The following HECW1 variants were observed in gnomAD, a reference collection of about 807,000 sequenced individuals.
HECW1 encodes HECT, C2 and WW domain containing E3 ubiquitin protein ligase 1.
A neutral mutation model predicts 182.3 loss-of-function variants in HECW1; 61 were observed. That is an observed-to-expected ratio of 0.33 (90% confidence interval 0.27 to 0.41). The LOEUF is 0.41. HECW1 is among the 10% of genes least tolerant of loss of function. The pLI is 1.00. For synonymous variants in HECW1, 859 were observed against 832.6 expected (o/e 1.03, Z -0.55); for missense variants, 1,739 against 2,108.9 (o/e 0.82, Z 3.44).
At chr7:43,328,107 C>T (rs2152787734) in intron 5 of HECW1, among the ~76,000 whole-genome samples, 1 of 151,764 alleles carries the variant, frequency 6.6e-6, no homozygotes, top group East Asian at 1.9e-4. Flanking sequence ...CACTAGAGCC[C>T]AGGAGCTCAA....
At chr7:43,473,962 A>G (rs915416006) in intron 16 of HECW1, among the ~76,000 whole-genome samples, 3 of 152,232 alleles carry the variant, frequency 2.0e-5, no homozygotes, top group African/African-American at 7.2e-5. Flanking sequence ...AGGTGGAAAC[A>G]TGATAAACTT....
chr7:43,514,159 AT>A (rs2080017050), intron 24 of HECW1, among the ~76,000 whole-genome samples: 1 of 152,184 alleles, frequency 6.6e-6, no homozygotes, highest in Admixed American at 6.5e-5. Context: ...GGAATGGAAA[AT>A]TACCACAAGA....
intron 24 of HECW1, among the ~76,000 whole-genome samples, chr7:43,529,603 C>T (rs768171557): frequency 1.3e-5 from 2 of 152,166 alleles, no homozygotes; most frequent in Non-Finnish European, 2.9e-5. Flanking sequence ...TCAGACCCTA[C>T]TGAAATGGAA....
At chr7:43,154,610 G>A (rs1272748420) in intron 2 of HECW1, among the ~76,000 whole-genome samples, 1 of 152,134 alleles carries the variant, frequency 6.6e-6, no homozygotes, top group Non-Finnish European at 1.5e-5. Flanking sequence ...TGTATATTAG[G>A]AAACATTAGT....
At chr7:43,250,111 T>C (rs1419419937) in intron 3 of HECW1, among the ~76,000 whole-genome samples, 1 of 149,778 alleles carries the variant, frequency 6.7e-6, no homozygotes, top group African/African-American at 2.5e-5. Flanking sequence ...AGATTTTTTT[T>C]AACCAAAACA....
intron 3 of HECW1, among the ~76,000 whole-genome samples, chr7:43,294,825 C>G (rs993193446): frequency 1.3e-5 from 2 of 152,148 alleles, no homozygotes; most frequent in South Asian, 4.1e-4. Flanking sequence ...TAAGGATGCA[C>G]CTGTGACGCA....
At chr7:43,548,377 AC>A in intron 26 of HECW1, among the ~76,000 whole-genome samples, 1 of 152,150 alleles carries the variant, frequency 6.6e-6, no homozygotes, top group Non-Finnish European at 1.5e-5. Flanking sequence ...GTACGAGTGG[AC>A]CCATGCAGTC....
At chr7:43,540,666 TC>T (rs1028822594) in intron 24 of HECW1, among the ~76,000 whole-genome samples, 1 of 152,142 alleles carries the variant, frequency 6.6e-6, no homozygotes, top group African/African-American at 2.4e-5. Flanking sequence ...ATGTAACTCT[TC>T]CCCACTATCT....
intron 24 of HECW1, among the ~76,000 whole-genome samples, chr7:43,533,224 A>G (rs973547987): frequency 2.0e-5 from 3 of 152,084 alleles, no homozygotes; most frequent in Non-Finnish European, 4.4e-5. Flanking sequence ...CTGAGGAACC[A>G]ACTCTATTCT....
chr7:43,301,767 C>T (rs944673483), intron 3 of HECW1, among the ~76,000 whole-genome samples: 2 of 151,548 alleles, frequency 1.3e-5, no homozygotes, highest in East Asian at 1.9e-4. Context: ...CCCAGCTACT[C>T]GGGAGGCTGA....
At position 43,414,624 on chromosome 7, in the gene HECW1, T is replaced by C. The variant is rs1312908627; in HGVS notation, c.801+6893T>C. On this transcript the variant is annotated intron_variant, in intron 8 of 29. Transcript: ENST00000395891. ...AGACAGCTCTTATTATTTTGAAATA[T>C]GTCCCATCAATACCTAATTTATTGA... 1.4e-3 allele frequency among the ~76,000 whole-genome samples: 213 copies of C among 151,710 alleles called. 1 individual carries two copies. The highest frequency in any genetic ancestry group is 2.1e-3 in the Non-Finnish European group (140 of 67,924).
At chr7:43,227,305 GAGTTTATACCTGTAA>G (rs1479881595) in intron 2 of HECW1, among the ~76,000 whole-genome samples, 2 of 152,022 alleles carry the variant, frequency 1.3e-5, no homozygotes, top group Non-Finnish European at 2.9e-5. Flanking sequence ...TTAGGGGTGT[GAGTTTATACCTGTAA>G]AGTGTAAGGA....
intron 2 of HECW1, among the ~76,000 whole-genome samples, chr7:43,115,536 A>C (rs1012791804): frequency 3.9e-5 from 6 of 152,196 alleles, no homozygotes; most frequent in Non-Finnish European, 8.8e-5. Flanking sequence ...CATGAGACTT[A>C]CTTTCTCTGA....
chr7:43,174,584 G>A (rs1792023264), intron 2 of HECW1, among the ~76,000 whole-genome samples: 1 of 152,312 alleles, frequency 6.6e-6, no homozygotes, highest in Non-Finnish European at 1.5e-5. Flanking sequence ...AATGAGCTCA[G>A]ATGAGCTCCC....
At chr7:43,170,792 G>A (rs187284925) in intron 2 of HECW1, among the ~76,000 whole-genome samples, 10 of 152,304 alleles carry the variant, frequency 6.6e-5, no homozygotes, top group South Asian at 6.2e-4. Flanking sequence ...CCAGCTGACC[G>A]TGCAAAGGTG....
intron 5 of HECW1, among the ~76,000 whole-genome samples, chr7:43,353,175 T>C (rs552025990): frequency 1.4e-4 from 22 of 152,228 alleles, no homozygotes; most frequent in Non-Finnish European, 2.4e-4. Context: ...ATATTATTGA[T>C]GCATGTGTTT....
chr7:43,523,380 G>A (rs560087576), intron 24 of HECW1, among the ~76,000 whole-genome samples: 3 of 152,272 alleles, frequency 2.0e-5, no homozygotes, highest in South Asian at 2.1e-4. Flanking sequence ...TTGTGGGGCC[G>A]CTAGAAGGAT....
intron 3 of HECW1, among the ~76,000 whole-genome samples, chr7:43,310,749 T>C (rs752440054): frequency 2.6e-5 from 4 of 152,190 alleles, no homozygotes; most frequent in Non-Finnish European, 4.4e-5. Context: ...AGTCAATAAT[T>C]TGCATTTGAT....
At chr7:43,485,100 T>A (rs1272056381) in intron 17 of HECW1, among the ~76,000 whole-genome samples, 1 of 152,144 alleles carries the variant, frequency 6.6e-6, no homozygotes, top group African/African-American at 2.4e-5. Flanking sequence ...TTCTGGAAGG[T>A]ACACACCGAA....
Sources: gnomAD v4.1 joint callset for allele counts (sites outside exome capture counted in the v4.1 genomes callset) on GRCh38, gnomAD v4.1.1 for gene constraint, MANE v1.5 for transcripts, NCBI Gene and HGNC (gene_info 2026-07-23, HGNC 2026-07-21) for gene names.